DAB1: variants seen among roughly 807,000 people sequenced by gnomAD.
DAB1 encodes disabled homolog 1.
A neutral mutation model predicts 64.6 loss-of-function variants in DAB1; 15 were observed. The ratio of observed to expected loss-of-function variants is 0.23; its 90% CI spans 0.16 to 0.36. DAB1 has a LOEUF of 0.36. Ranked by LOEUF, DAB1 falls within the 10% of genes least tolerant of loss-of-function variation. DAB1 has a pLI of 1.00. For missense variants in DAB1, 596 were observed against 706.7 expected (o/e 0.84, Z 1.78); for synonymous variants, 235 against 251.9 (o/e 0.93, Z 0.64).
chr1:57,492,024 G>T (rs1255128338), intron 7 of DAB1, among the ~76,000 whole-genome samples: 1 of 152,174 alleles, frequency 6.6e-6, no homozygotes, highest in African/African-American at 2.4e-5. Flanking sequence ...TGTTGAAAAA[G>T]AAATAAGAGA....
intron 1 of DAB1, among the ~76,000 whole-genome samples, chr1:57,881,244 G>T (rs1224945623): frequency 1.3e-5 from 2 of 152,162 alleles, no homozygotes; most frequent in African/African-American, 4.8e-5. Flanking sequence ...TGCCACTACT[G>T]CTGGGTTAGA....
chr1:57,514,396 T>C (rs1558450921), intron 7 of DAB1, among the ~76,000 whole-genome samples: 1 of 152,220 alleles, frequency 6.6e-6, no homozygotes, highest in Non-Finnish European at 1.5e-5. Context: ...TGATATCTCA[T>C]TTTGGTTTTA....
intron 4 of DAB1, among the ~76,000 whole-genome samples, chr1:58,193,818 T>G (rs1287977210): frequency 6.6e-6 from 1 of 151,364 alleles, no homozygotes; most frequent in Non-Finnish European, 1.5e-5. Context: ...ATCGCACCAT[T>G]GCACTCCAGC....
intron 5 of DAB1, among the ~76,000 whole-genome samples, chr1:58,024,829 G>A (rs1646866007): frequency 6.6e-6 from 1 of 152,174 alleles, no homozygotes; most frequent in Non-Finnish European, 1.5e-5. Flanking sequence ...GGCTGAGTAA[G>A]TAGGAATTTC....
At chr1:57,343,269 T>C (rs1173079065) in intron 1 of DAB1, among the ~76,000 whole-genome samples, 2 of 152,202 alleles carry the variant, frequency 1.3e-5, no homozygotes, top group Admixed American at 6.5e-5. Flanking sequence ...AGGGTGCTGA[T>C]TGGTGTGTTT....
intron 4 of DAB1, among the ~76,000 whole-genome samples, chr1:58,256,551 A>G (rs921691828): frequency 1.3e-5 from 2 of 152,236 alleles, no homozygotes; most frequent in Admixed American, 6.5e-5. Flanking sequence ...GATGATAATC[A>G]GAAGCACCCG....
At chr1:57,794,543 A>G (rs530807817) in intron 6 of DAB1, among the ~76,000 whole-genome samples, 1 of 152,274 alleles carries the variant, frequency 6.6e-6, no homozygotes, top group Admixed American at 6.5e-5. Context: ...CCTCTTCTCT[A>G]AAGCCTTCTC....
chr1:57,764,857 G>C (rs1041456885), intron 6 of DAB1, among the ~76,000 whole-genome samples: 10 of 152,050 alleles, frequency 6.6e-5, no homozygotes, highest in Admixed American at 5.9e-4. Context: ...TTAACATAAA[G>C]AAAAGAAGAC....
rs1458115069 is a variant in DAB1 at position 58,516,603 on chromosome 1, TC to T, written n.108-10395del. ...ACATAAATTTGCACAATAAAATCAC[TC>T]ATAGCCAGTAGCAGAGGAGCAGCAG... is the stretch of plus-strand genomic sequence containing the variant. On this transcript the variant is annotated intron_variant and non_coding_transcript_variant, in intron 2 of 20. Transcript: ENST00000485760. 2.6e-5 allele frequency among the ~76,000 whole-genome samples: 4 copies of T among 152,148 alleles called. No individual in the cohort carries two copies. In the East Asian group the frequency reaches 7.7e-4, roughly 29 times the overall value.
At position 58,164,574 on chromosome 1, in the gene DAB1, C is replaced by G. The variant is rs370222061; in HGVS notation, n.310-13986G>C. ...AGCATCCTTTTTTAAAAAATGAAAT[C>G]TGAACAATTATTAAAATGTAGCATG... On this transcript the variant is annotated intron_variant and non_coding_transcript_variant, in intron 4 of 20. Transcript: ENST00000485760. Among the ~76,000 whole-genome samples, 27 of 152,260 alleles carry G rather than the reference C, an allele frequency of 1.8e-4. 1 individual carries two copies. The South Asian group carries it at 5.0e-3, about 28-fold the overall frequency.
intron 5 of DAB1, among the ~76,000 whole-genome samples, chr1:57,892,763 G>A (rs939650597): frequency 1.3e-5 from 2 of 152,210 alleles, no homozygotes; most frequent in African/African-American, 4.8e-5. Flanking sequence ...CCTTGAGACT[G>A]AGACCCTGTC....
intron 8 of DAB1, among the ~76,000 whole-genome samples, 181 bp from the exon 9 acceptor site, chr1:57,063,124 T>C (rs1650564774): frequency 6.6e-6 from 1 of 152,048 alleles, no homozygotes; most frequent in African/African-American, 2.4e-5. Context: ...CTTAGGAGCA[T>C]CAGATGGGGA....
At chr1:58,225,048 T>C (rs1197789401) in intron 4 of DAB1, among the ~76,000 whole-genome samples, 2 of 152,138 alleles carry the variant, frequency 1.3e-5, no homozygotes, top group African/African-American at 4.8e-5. Context: ...GAGAAAATTT[T>C]TGCAATCTAC....
intron 1 of DAB1, among the ~76,000 whole-genome samples, chr1:57,394,311 A>G (rs561339520): frequency 2.0e-5 from 3 of 152,348 alleles, no homozygotes; most frequent in African/African-American, 7.2e-5. Flanking sequence ...TTCGAAAACC[A>G]CTTGCTTTCC....
chr1:57,430,520 C>G (rs1028199744), intron 7 of DAB1, among the ~76,000 whole-genome samples: 32 of 152,004 alleles, frequency 2.1e-4, no homozygotes, highest in Non-Finnish European at 1.3e-4. Context: ...GGACCACAGG[C>G]GCCCGCCACC....
intron 4 of DAB1, among the ~76,000 whole-genome samples, chr1:58,280,112 G>A (rs913874292): frequency 6.6e-6 from 1 of 152,150 alleles, no homozygotes; most frequent in African/African-American, 2.4e-5. Flanking sequence ...ATGTCTTCAT[G>A]TAAGGATATC....
chr1:58,363,045 T>C (rs542448537), intron 3 of DAB1, among the ~76,000 whole-genome samples: 2 of 152,340 alleles, frequency 1.3e-5, no homozygotes, highest in East Asian at 1.9e-4. Context: ...AGCTCTCTGC[T>C]GTCTCTTCTT....
rs1557657749 is a variant in DAB1, at chr1:58,118,499, TATATACAC to T, written n.387+32004_387+32011del. On this transcript the variant is annotated intron_variant and non_coding_transcript_variant, in intron 5 of 20. Coordinates refer to the DAB1 transcript ENST00000485760. ...ATATATATATATATATATATATATA[TATATACAC>T]ACACACACACACACATATATATATA... 3.8e-5 allele frequency among the ~76,000 whole-genome samples: 3 copies of T among 79,100 alleles called. No homozygotes were observed. The South Asian group carries it at 1.2e-3, about 33-fold the overall frequency. The allele number at this position is 79,100 out of a possible 152,430, so 51.9% of individuals were successfully genotyped here.
chr1:58,445,490 A>T (rs543093446), intron 3 of DAB1, among the ~76,000 whole-genome samples: 22 of 152,308 alleles, frequency 1.4e-4, no homozygotes, highest in African/African-American at 5.1e-4. Flanking sequence ...TCTTGGGCTG[A>T]GGCCTTCTCT....
Sources: gnomAD v4.1 joint callset for allele counts (sites outside exome capture counted in the v4.1 genomes callset) on GRCh38, gnomAD v4.1.1 for gene constraint, MANE v1.5 for transcripts, NCBI Gene and HGNC (gene_info 2026-07-23, HGNC 2026-07-21) for gene names.